The following FAT1 variants were observed in gnomAD, a reference collection of about 807,000 sequenced individuals.
FAT1 encodes the protein FAT atypical cadherin 1, also known as protocadherin Fat 1.
Under a neutral mutation model 329.8 loss-of-function variants are expected in FAT1, and 171 were observed. The observed-to-expected ratio is 0.52, with a 90% CI of 0.46 to 0.59. FAT1 has a LOEUF of 0.59. Ranked by LOEUF, FAT1 falls within the 20% of genes least tolerant of loss-of-function variation. FAT1 has a pLI of 0.00. For synonymous variants in FAT1, 2,233 were observed against 2,228.6 expected, an observed-to-expected ratio of 1.00 and a Z score of -0.06; for missense variants, 5,672 against 5,774.4, an observed-to-expected ratio of 0.98 and a Z score of 0.57.
chr4:186,597,603 A>G, intron 24 of FAT1, 79 bp downstream of exon 24: 2 of 938,800 alleles, frequency 2.1e-6, no homozygotes, highest in Non-Finnish European at 3.4e-6. Flanking sequence ...AGTTCAAATC[A>G]CTGAAGGTCT....
At chr4:186,630,034 G>C (rs1365492143) in intron 7 of FAT1, among the ~76,000 whole-genome samples, 7 of 152,210 alleles carry the variant, frequency 4.6e-5, no homozygotes, top group Non-Finnish European at 1.0e-4. Context: ...TTATTAAGTA[G>C]AAAGAACTGG....
At position 186,590,454 on chromosome 4, in the gene FAT1, C is replaced by A; in HGVS notation, c.13139-1234G>T. ...AGAAAACATTTGTAATTAAAACAGT[C>A]GGCTGAAAAGGCAATAAAGGTAAGT... On this transcript the variant is annotated intron_variant, in intron 26 of 26. Transcript: ENST00000441802. 5 of 1,240,372 alleles carry A rather than the reference C, an allele frequency of 4.0e-6. No homozygotes were observed. In the South Asian group the frequency reaches 6.2e-5, roughly 16 times the overall value. 76.8% of individuals were successfully genotyped at this position (1,240,372 alleles called of 1,614,324 possible). A position where few individuals can be genotyped will look rare whatever the true frequency, so the allele number is the denominator to read the frequency against.
intron 2 of FAT1, among the ~76,000 whole-genome samples, chr4:186,676,609 T>C (rs904821949): frequency 6.6e-6 from 1 of 152,182 alleles, no homozygotes; most frequent in African/African-American, 2.4e-5. Flanking sequence ...TATTCAATGA[T>C]TAAAATGTCA....
chr4:186,590,750 T>C (rs1169028855), intron 26 of FAT1: 1 of 445,272 alleles, frequency 2.2e-6, no homozygotes, highest in African/African-American at 2.0e-5. Flanking sequence ...CAGGCTCTAA[T>C]AAAATATAAA....
chr4:186,710,086 T>A (rs1744885591), intron 1 of FAT1, among the ~76,000 whole-genome samples: 1 of 152,164 alleles, frequency 6.6e-6, no homozygotes, highest in African/African-American at 2.4e-5. Context: ...GTCCTCTCTT[T>A]CATATTTAAA....
intron 2 of FAT1, among the ~76,000 whole-genome samples, chr4:186,675,475 A>G (rs548326219): frequency 6.6e-6 from 1 of 152,076 alleles, no homozygotes; most frequent in East Asian, 1.9e-4. Flanking sequence ...AGAAAGAAAA[A>G]CCAGCCAGAT....
In FAT1 at chr4:186,686,243, C is replaced by CA. The variant is rs1009711429; in HGVS notation, c.3265+20319_3265+20320insT. 2.4e-4 allele frequency among the ~76,000 whole-genome samples: 35 copies of CA among 147,834 alleles called. No homozygotes were observed. The East Asian group carries it at 4.4e-3, about 19-fold the overall frequency. On this transcript the variant is annotated intron_variant, in intron 2 of 26. Transcript: ENST00000441802. ...ATAATTATTTGAGAATTTTCACCCC[C>CA]CCCCGACATTCTGAAGAAAACATGT...
At chr4:186,610,925 T>C (rs1409727041) in intron 14 of FAT1, among the ~76,000 whole-genome samples, 3 of 151,820 alleles carry the variant, frequency 2.0e-5, no homozygotes, top group East Asian at 1.9e-4. Flanking sequence ...CCAACTGTTA[T>C]AGACAACTAG....
intron 2 of FAT1, among the ~76,000 whole-genome samples, chr4:186,675,382 G>A (rs188710128): frequency 2.0e-4 from 31 of 151,982 alleles, no homozygotes; most frequent in African/African-American, 7.0e-4. Context: ...CAGGAGAATC[G>A]CTTGAACCCA....
In FAT1 at chr4:186,617,823, C is replaced by T. The variant is rs1374635973; in HGVS notation, c.8763G>A (p.Glu2921=). The T allele has an allele frequency of 1.2e-5, 19 of 1,613,906 alleles. No homozygotes were observed. Among genetic ancestry groups the T allele is most frequent in the Non-Finnish European group, 1.6e-5 (19 of 1,179,900 alleles). The change falls in exon 10 of 27, where the codon GAG becomes GAA. Residue 2921 remains glutamate, a synonymous_variant. Transcript: ENST00000441802. ...VNDSPPRFTA[E]IYKGTVSEDD... ...CCTCACTCACAGTCCCTTTATAGAT[C>T]TCGGCCGTGAATCGTGGTGGACTAT...
At chr4:186,710,745 G>GAC (rs1260191699) in intron 1 of FAT1, among the ~76,000 whole-genome samples, 2 of 151,864 alleles carry the variant, frequency 1.3e-5, no homozygotes, top group South Asian at 2.1e-4. Flanking sequence ...ATGAGAAGAT[G>GAC]ACACACACAC....
rs774753400 is a variant in FAT1 at position 186,707,583 on chromosome 4, T to G, written c.2245A>C (p.Asn749His). Reference protein sequence around the residue: ...MNSTDLDTGFNGKLVYAVSGG... With the variant: ...MNSTDLDTGFHGKLVYAVSGG... ...GAAACAGCATAGACCAGTTTTCCAT[T>G]GAAGCCAGTGTCAAGGTCAGTGGAG... Residue 749 changes from asparagine (N) to histidine (H), a missense_variant, in exon 2 of 27, where the codon AAT (asparagine) becomes CAT (histidine). Asn to His is a moderately conservative substitution (Grantham distance 68, BLOSUM62 1). Transcript: ENST00000441802. 14 of 1,613,898 alleles carry G rather than the reference T, an allele frequency of 8.7e-6. No individual in the cohort carries two copies. Among genetic ancestry groups the G allele is most frequent in the Non-Finnish European group, 1.1e-5 (13 of 1,179,896 alleles).
At chr4:186,610,708 A>AATTTATATAATTTATATAAATATAT (rs1437697088) in intron 14 of FAT1, among the ~76,000 whole-genome samples, 2 of 65,120 alleles carry the variant, frequency 3.1e-5, no homozygotes, top group East Asian at 1.8e-3. Flanking sequence ...TATAAATATA[A>AATTTATATAATTTATATAAATATAT]ATTTATATAA....
At position 186,708,732 on chromosome 4, in the gene FAT1, T is replaced by G. The variant is rs760835335; in HGVS notation, c.1096A>C (p.Lys366Gln). 3.7e-6 allele frequency: 6 copies of G among 1,613,976 alleles called. No homozygotes were observed. Among genetic ancestry groups the G allele is most frequent in the East Asian group, 2.2e-5 (1 of 44,886 alleles). Residue 366 changes from lysine to glutamine, a missense_variant, in exon 2 of 27, where the codon AAG (lysine) becomes CAG (glutamine). Physicochemically the swap from Lys to Gln is moderately conservative, Grantham distance 53. Around this residue, in one of 2 missense-constraint regions of FAT1, gnomAD observed 3,966 missense variants for 3,915.2 expected, o/e 1.01. Transcript: ENST00000441802. The stretch of plus-strand genomic sequence containing the variant: ...GCTCTGTAAACATCCTTTTCAAACT[T>G]GACTGGCCCGGCTTTGAACTGTGGA... ...TSPQFKAGPV[K>Q]FEKDVYRAEI... is the part of the protein sequence containing the mutation.
rs2126356606 is a variant in FAT1 at position 186,589,132 on chromosome 4, C to T, written c.13227G>A (p.Gln4409=). The T allele has an allele frequency of 6.2e-7, 1 of 1,613,886 alleles. No homozygotes were observed. Among genetic ancestry groups the T allele is most frequent in the Non-Finnish European group, 8.5e-7 (1 of 1,179,862 alleles). The stretch of plus-strand genomic sequence containing the variant: ...TTGGATCTGCTGAGTACAGGGGTGT[C>T]TGCTCATCAATCACCTCATAGTTGG... ...EFPNYEVIDE[Q]TPLYSADPNA... is the part of the protein sequence containing the mutation. The change falls in exon 27 of 27, where the codon CAG becomes CAA. Residue 4409 remains glutamine (Q), a synonymous_variant. Coordinates refer to ENST00000441802, the MANE Select transcript of FAT1 (RefSeq NM_005245.4).
chr4:186,592,476 C>T (rs1029245199), intron 26 of FAT1, among the ~76,000 whole-genome samples: 1 of 152,028 alleles, frequency 6.6e-6, no homozygotes, highest in African/African-American at 2.4e-5. Context: ...ATGTAAATCA[C>T]TATGAATGGT....
Position 186,708,065 on chromosome 4 carries a change from A to G in FAT1, c.1763T>C (p.Ile588Thr), listed in dbSNP as rs575453075. 1 of 1,613,968 alleles carries G rather than the reference A, an allele frequency of 6.2e-7. No homozygotes were observed. Among genetic ancestry groups the G allele is most frequent in the Non-Finnish European group, 8.5e-7 (1 of 1,179,876 alleles). The change falls in exon 2 of 27, where the codon ATA becomes ACA. Residue 588 changes from isoleucine to threonine, a missense_variant. Physicochemically the swap from Ile to Thr is moderately conservative, Grantham distance 89. Transcript: ENST00000441802. ...IPRDLGVGEQ[I>T]TTVSAIDADE... ...TGCATCAATAGCAGAAACAGTGGTT[A>G]TTTGCTCTCCCACGCCTAGATCTCT... is the stretch of plus-strand genomic sequence containing the variant.
chr4:186,694,062 G>A (rs1191432040), intron 2 of FAT1, among the ~76,000 whole-genome samples: 3 of 124,884 alleles, frequency 2.4e-5, no homozygotes, highest in African/African-American at 3.1e-5. Flanking sequence ...TCACAAGCTC[G>A]ACCTGCCTCT....
intron 3 of FAT1, among the ~76,000 whole-genome samples, chr4:186,643,504 G>A (rs752750500): frequency 1.3e-5 from 2 of 152,098 alleles, no homozygotes; most frequent in African/African-American, 2.4e-5. Context: ...GGTGGCACCA[G>A]GTGATGCACC....
Sources: allele counts gnomAD v4.1 joint callset (sites outside exome capture counted in the v4.1 genomes callset), GRCh38; gene constraint gnomAD v4.1.1; regional missense constraint gnomAD v4.1.1; transcripts MANE v1.5; gene names NCBI Gene and HGNC (gene_info 2026-07-23, HGNC 2026-07-21).